ACTR3C: variants seen among roughly 807,000 people sequenced by gnomAD.
ACTR3C encodes actin related protein 3C.
A neutral mutation model predicts 26.3 loss-of-function variants in ACTR3C; 18 were observed. That is an observed-to-expected ratio of 0.68 (90% CI 0.47 to 1.01). The LOEUF (loss-of-function observed/expected upper bound fraction) is 1.01, where lower values mean the gene tolerates loss of function less well. Among genes scored for constraint, ACTR3C ranks in the 50% least tolerant of loss-of-function variants. ACTR3C has a pLI of 0.00. For synonymous variants in ACTR3C, 55 were observed against 94.5 expected (o/e 0.58, Z 2.42); for missense variants, 184 against 250.7 (o/e 0.73, Z 1.80).
the ACTR3C span, among the ~76,000 whole-genome samples, chr7:150,025,969 G>A: frequency 6.6e-6 from 1 of 152,126 alleles, no homozygotes; most frequent in South Asian, 2.1e-4. Flanking sequence ...TGACTGCGAG[G>A]CCTTCGGAGG....
the ACTR3C span, among the ~76,000 whole-genome samples, chr7:150,096,527 C>T: frequency 4.6e-5 from 7 of 151,582 alleles, no homozygotes; most frequent in Admixed American, 3.9e-4. Flanking sequence ...AAAACATTGA[C>T]GGTGAGGGTA....
chr7:150,198,993 C>A, the ACTR3C span, among the ~76,000 whole-genome samples: 2 of 129,338 alleles, frequency 1.5e-5, no homozygotes, highest in Non-Finnish European at 3.1e-5. Context: ...GGGGGTCAGC[C>A]CCCCTGCCCG....
chr7:150,147,219 A>G, the ACTR3C span, among the ~76,000 whole-genome samples: 165 of 152,336 alleles, frequency 1.1e-3, no homozygotes, highest in African/African-American at 3.8e-3. Flanking sequence ...TAACGTGATT[A>G]TAGCCACAAA....
At chr7:150,193,095 C>G in the ACTR3C span, among the ~76,000 whole-genome samples, 2 of 152,200 alleles carry the variant, frequency 1.3e-5, no homozygotes, top group Admixed American at 1.3e-4. Context: ...GCTGATGTGT[C>G]TTCCCCAGTC....
chr7:150,006,879 C>G, the ACTR3C span, among the ~76,000 whole-genome samples: 1 of 152,166 alleles, frequency 6.6e-6, no homozygotes, highest in Admixed American at 6.5e-5. Flanking sequence ...AAACATACTT[C>G]TCAATAGGCA....
the ACTR3C span, among the ~76,000 whole-genome samples, chr7:149,927,651 C>T: frequency 1.1e-4 from 17 of 150,994 alleles, no homozygotes; most frequent in Non-Finnish European, 3.0e-5. Context: ...TCACTTGAAC[C>T]CGGGAGGCGG....
chr7:150,318,307 GA>G (rs1012274168), intron 1 of ACTR3C, among the ~76,000 whole-genome samples: 1 of 152,160 alleles, frequency 6.6e-6, no homozygotes, highest in African/African-American at 2.4e-5. Context: ...CAAAGACATG[GA>G]ACAGAGTCTT....
chr7:150,188,126 T>G, the ACTR3C span, among the ~76,000 whole-genome samples: 2,596 of 152,012 alleles, frequency 0.017, 44 homozygotes, highest in African/African-American at 0.059. Flanking sequence ...TTCCTTCTAT[T>G]GGAAAATGAT....
chr7:149,969,798 T>C, the ACTR3C span, among the ~76,000 whole-genome samples: 1 of 152,188 alleles, frequency 6.6e-6, no homozygotes, highest in African/African-American at 2.4e-5. Flanking sequence ...GTTAGCGTTA[T>C]GTTTAATTGT....
chr7:150,048,615 G>T, the ACTR3C span, among the ~76,000 whole-genome samples: 2 of 151,658 alleles, frequency 1.3e-5, no homozygotes, highest in Non-Finnish European at 2.9e-5. Context: ...CGGCCAGGGG[G>T]CGACTGAAGG....
chr7:150,241,933 T>C (rs151211052), downstream of ACTR3C, among the ~76,000 whole-genome samples: 29,662 of 151,936 alleles, frequency 0.2, 5,066 homozygotes, highest in African/African-American at 0.46. Context: ...GATACCACTT[T>C]GTGGCCAGGC....
the ACTR3C span, among the ~76,000 whole-genome samples, chr7:150,035,964 G>C: frequency 2.3e-5 from 3 of 128,936 alleles, no homozygotes; most frequent in East Asian, 2.3e-4. Context: ...AGGGCGGGAA[G>C]AGGGACTGGC....
At chr7:150,009,348 A>C in the ACTR3C span, among the ~76,000 whole-genome samples, 1 of 152,250 alleles carries the variant, frequency 6.6e-6, no homozygotes, top group Non-Finnish European at 1.5e-5. Context: ...CACAAGAACC[A>C]GGCTCTGCAG....
At chr7:149,972,941 C>T in the ACTR3C span, among the ~76,000 whole-genome samples, 2 of 152,094 alleles carry the variant, frequency 1.3e-5, no homozygotes, top group African/African-American at 4.8e-5. Flanking sequence ...GCATGTCTGT[C>T]CCAGGTAATT....
chr7:150,232,570 TC>T, the ACTR3C span, among the ~76,000 whole-genome samples: 5 of 146,322 alleles, frequency 3.4e-5, no homozygotes, highest in Admixed American at 6.7e-5. Context: ...ATGCCTATAA[TC>T]CCAGCACTTT....
chr7:150,016,608 G>A, the ACTR3C span, among the ~76,000 whole-genome samples: 1 of 152,092 alleles, frequency 6.6e-6, no homozygotes, highest in African/African-American at 2.4e-5. Flanking sequence ...TGCAGGAAAT[G>A]GGAAAAGAGC....
At chr7:150,219,551 C>A in the ACTR3C span, among the ~76,000 whole-genome samples, 1 of 141,494 alleles carries the variant, frequency 7.1e-6, no homozygotes, top group East Asian at 2.0e-4. Flanking sequence ...CCAAGGGTGG[C>A]CGGGCCCCAC....
chr7:150,039,890 T>C, the ACTR3C span, among the ~76,000 whole-genome samples: 98,428 of 111,818 alleles, frequency 0.88, 44,117 homozygotes, highest in African/African-American at 0.96. Flanking sequence ...TCAGTCCCCG[T>C]GTCGTGAGGG....
the ACTR3C span, among the ~76,000 whole-genome samples, chr7:149,963,510 G>A: frequency 6.6e-6 from 1 of 152,174 alleles, no homozygotes; most frequent in Non-Finnish European, 1.5e-5. Context: ...CGTGAGCCCT[G>A]AGGATGGGCA....
Sources: gnomAD v4.1 joint callset for allele counts (sites outside exome capture counted in the v4.1 genomes callset) on GRCh38, gnomAD v4.1.1 for gene constraint, MANE v1.5 for transcripts, NCBI Gene and HGNC (gene_info 2026-07-23, HGNC 2026-07-21) for gene names.